Variants in ARID4B observed in about 807,000 individuals in gnomAD.
ARID4B encodes the protein AT-rich interactive domain-containing protein 4B.
In ARID4B, 26 loss-of-function variants were observed where a neutral mutation model predicts 147.5. The observed-to-expected ratio is 0.18, with a 90% confidence interval of 0.13 to 0.24. The LOEUF is 0.24. Among genes scored for constraint, ARID4B ranks in the 10% least tolerant of loss-of-function variants. The pLI is 1.00. For missense variants in ARID4B, 1,179 were observed against 1,511.5 expected (o/e 0.78, Z 3.65); for synonymous variants, 512 against 507.9 (o/e 1.01, Z -0.11).
At chr1:235,275,213 T>C (rs1270829815) in intron 2 of ARID4B, among the ~76,000 whole-genome samples, 1 of 152,210 alleles carries the variant, frequency 6.6e-6, no homozygotes, top group Non-Finnish European at 1.5e-5. Flanking sequence ...GTTATTTCTC[T>C]TAACAAAGAG....
chr1:235,303,254 T>C (rs1003275271), intron 2 of ARID4B, among the ~76,000 whole-genome samples: 1 of 152,162 alleles, frequency 6.6e-6, no homozygotes. Flanking sequence ...AATGACGCTG[T>C]ACTATCTTCC....
At chr1:235,322,469 C>T (rs947134187) in intron 2 of ARID4B, among the ~76,000 whole-genome samples, 1 of 152,150 alleles carries the variant, frequency 6.6e-6, no homozygotes, top group Non-Finnish European at 1.5e-5. Context: ...TTTTCCAGTA[C>T]GTTATCCTCT....
chr1:235,255,275 C>A (rs1295304413), intron 5 of ARID4B, among the ~76,000 whole-genome samples: 1,134 of 78,688 alleles, frequency 0.014, 13 homozygotes, highest in South Asian at 0.079. Context: ...ATATATCTCT[C>A]TCTCTCTCTC....
At chr1:235,206,425 C>T (rs1047070159) in intron 17 of ARID4B, among the ~76,000 whole-genome samples, 7 of 151,740 alleles carry the variant, frequency 4.6e-5, no homozygotes, top group Admixed American at 4.6e-4. Flanking sequence ...AATTCAATAT[C>T]AGAATTGTGA....
chr1:235,208,825 A>G (rs1666505934), intron 17 of ARID4B, among the ~76,000 whole-genome samples: 1 of 152,118 alleles, frequency 6.6e-6, no homozygotes, highest in African/African-American at 2.4e-5. Flanking sequence ...CCGGCCAGCA[A>G]TAATTTTATC....
chr1:235,303,632 A>G (rs1673342720), intron 2 of ARID4B, among the ~76,000 whole-genome samples: 1 of 152,194 alleles, frequency 6.6e-6, no homozygotes, highest in South Asian at 2.1e-4. Context: ...GGGACACTAA[A>G]GTGGGAGGAT....
At chr1:235,188,141 GTA>G (rs1049831197) in intron 19 of ARID4B, among the ~76,000 whole-genome samples, 9 of 151,928 alleles carry the variant, frequency 5.9e-5, no homozygotes, top group African/African-American at 1.2e-4. Flanking sequence ...TGTGTTATAT[GTA>G]TGTGTGTGTG....
chr1:235,221,496 T>C, intron 14 of ARID4B, 69 bp downstream of exon 14: 2 of 816,624 alleles, frequency 2.4e-6, no homozygotes, highest in Admixed American at 2.3e-5. Context: ...ACCTCAGTTA[T>C]AAGGTAAATT....
At chr1:235,299,339 G>A (rs775849432) in intron 2 of ARID4B, among the ~76,000 whole-genome samples, 2 of 152,160 alleles carry the variant, frequency 1.3e-5, no homozygotes, top group Non-Finnish European at 1.5e-5. Flanking sequence ...TCAGCCGCCC[G>A]AGTAGCTGGG....
rs745339776 is a variant in ARID4B at position 235,193,998 on chromosome 1, G to C, written c.2125+15C>G. 7.2e-6 allele frequency: 11 copies of C among 1,529,296 alleles called. No homozygotes were observed. In the African/African-American group the frequency reaches 1.4e-4, roughly 19 times the overall value. 94.7% of individuals were successfully genotyped at this position (1,529,296 alleles called of 1,614,324 possible). A position where few individuals can be genotyped will look rare whatever the true frequency, so the allele number is the denominator to read the frequency against. ...AAATCAAATACTTGCACAACAGAAC[G>C]ATTGTTATGTTTACCTTGAAGTCCA... On this transcript the variant is annotated intron_variant, in intron 19 of 23. Transcript: ENST00000264183.
intron 5 of ARID4B, among the ~76,000 whole-genome samples, chr1:235,255,269 ATC>A (rs58782902): frequency 7.6e-6 from 1 of 131,612 alleles, no homozygotes; most frequent in African/African-American, 2.8e-5. Context: ...ATAGATATAT[ATC>A]TCTCTCTCTC....
intron 2 of ARID4B, among the ~76,000 whole-genome samples, chr1:235,283,756 C>T (rs560634638): frequency 2.0e-5 from 3 of 152,240 alleles, no homozygotes; most frequent in East Asian, 3.9e-4. Flanking sequence ...GAGACAGTCT[C>T]GCTCTCCAAG....
At chr1:235,220,263 C>A (rs1667367012) in intron 15 of ARID4B, 39 bp downstream of exon 15, 1 of 1,542,068 alleles carries the variant, frequency 6.5e-7, no homozygotes. Context: ...GGAAAATATA[C>A]CAAAGAAAGC....
At chr1:235,322,172 G>C (rs1330088878) in intron 2 of ARID4B, among the ~76,000 whole-genome samples, 1 of 152,008 alleles carries the variant, frequency 6.6e-6, no homozygotes, top group Non-Finnish European at 1.5e-5. Flanking sequence ...GGCATTACAG[G>C]CTCACACCAC....
At chr1:235,326,847 C>G (rs1675308299) in intron 2 of ARID4B, 67 bp downstream of exon 2, 1 of 1,595,956 alleles carries the variant, frequency 6.3e-7, no homozygotes, top group Admixed American at 1.7e-5. Context: ...ACACGACGAC[C>G]TCGTCGAAAC....
intron 19 of ARID4B, among the ~76,000 whole-genome samples, chr1:235,187,802 A>G (rs1486276358): frequency 6.6e-6 from 1 of 152,258 alleles, no homozygotes. Flanking sequence ...GATAAAAAAT[A>G]AAATTCACTG....
chr1:235,294,478 A>AGCAGCTGGG (rs1448573850), intron 2 of ARID4B, among the ~76,000 whole-genome samples: 27 of 17,212 alleles, frequency 1.6e-3, no homozygotes, highest in Admixed American at 3.6e-3. Context: ...GGGTTCAAGC[A>AGCAGCTGGG]ATTCTCCCGC....
intron 17 of ARID4B, among the ~76,000 whole-genome samples, chr1:235,196,837 G>GTCT (rs1263115008): frequency 1.5e-5 from 2 of 134,150 alleles, no homozygotes; most frequent in Non-Finnish European, 3.1e-5. Context: ...GGGCGACAGA[G>GTCT]CGAGACTCTG....
intron 23 of ARID4B, among the ~76,000 whole-genome samples, chr1:235,172,388 T>C (rs779255261): frequency 2.0e-5 from 3 of 152,050 alleles, no homozygotes; most frequent in African/African-American, 2.4e-5. Context: ...ACCAGCCTGA[T>C]TGACATGGCG....
Sources: allele counts gnomAD v4.1 joint callset (sites outside exome capture counted in the v4.1 genomes callset), GRCh38; gene constraint gnomAD v4.1.1; transcripts MANE v1.5; gene names NCBI Gene and HGNC (gene_info 2026-07-23, HGNC 2026-07-21).